The following TMEM132B variants were observed in gnomAD, a reference collection of about 807,000 sequenced individuals.
TMEM132B encodes transmembrane protein 132B.
In TMEM132B, 18 loss-of-function variants were observed where a neutral mutation model predicts 90.8. The observed-to-expected ratio is 0.20, with a 90% CI of 0.14 to 0.29. TMEM132B has a LOEUF of 0.29. Among genes scored for constraint, TMEM132B ranks in the 10% least tolerant of loss-of-function variants. The pLI is 1.00. For missense variants in TMEM132B, 1,096 were observed against 1,326.8 expected, an observed-to-expected ratio of 0.83 and a Z score of 2.70; for synonymous variants, 504 against 523.3, an observed-to-expected ratio of 0.96 and a Z score of 0.50.
intron 3 of TMEM132B, among the ~76,000 whole-genome samples, chr12:125,439,451 C>T (rs1334272706): frequency 6.6e-6 from 1 of 152,082 alleles, no homozygotes; most frequent in Non-Finnish European, 1.5e-5. Flanking sequence ...GACTGTGTTC[C>T]TGATTTGGCT....
chr12:125,527,233 TCCATCCAC>T (rs1484154287), intron 4 of TMEM132B, among the ~76,000 whole-genome samples: 2 of 87,976 alleles, frequency 2.3e-5, no homozygotes, highest in African/African-American at 5.1e-5. Flanking sequence ...CATCCACCCT[TCCATCCAC>T]CCATCCACCC....
At chr12:125,500,060 G>C (rs1423189418) in intron 3 of TMEM132B, among the ~76,000 whole-genome samples, 1 of 152,058 alleles carries the variant, frequency 6.6e-6, no homozygotes, top group Admixed American at 6.5e-5. Flanking sequence ...GGCACCATGG[G>C]ACCAGAAGGC....
At chr12:125,610,908 AG>A in intron 5 of TMEM132B, among the ~76,000 whole-genome samples, 1 of 152,156 alleles carries the variant, frequency 6.6e-6, no homozygotes, top group Non-Finnish European at 1.5e-5. Context: ...AGAATGATCC[AG>A]GAAGATTTCC....
intron 3 of TMEM132B, among the ~76,000 whole-genome samples, chr12:125,485,609 T>C (rs1333280675): frequency 1.3e-5 from 2 of 152,188 alleles, no homozygotes; most frequent in Non-Finnish European, 2.9e-5. Context: ...AATTGAATTG[T>C]TTCTCTCTTC....
chr12:125,199,325 G>A (rs1873002488), intron 1 of TMEM132B, among the ~76,000 whole-genome samples: 1 of 152,154 alleles, frequency 6.6e-6, no homozygotes, highest in African/African-American at 2.4e-5. Flanking sequence ...AGAGGGGGAG[G>A]AAACCAAGAA....
intron 3 of TMEM132B, among the ~76,000 whole-genome samples, chr12:125,507,255 TC>T (rs1882870011): frequency 6.6e-6 from 1 of 152,220 alleles, no homozygotes; most frequent in Non-Finnish European, 1.5e-5. Context: ...CATTCATCCA[TC>T]CATGATATGT....
At position 125,458,159 on chromosome 12, in the gene TMEM132B, G is replaced by A. The variant is rs994697192; in HGVS notation, c.1106+42482G>A. 5.3e-5 allele frequency among the ~76,000 whole-genome samples: 8 copies of A among 152,094 alleles called. No homozygotes were observed. The highest frequency in any genetic ancestry group is 1.9e-4 in the African/African-American group (8 of 41,406). On this transcript the variant is annotated intron_variant, in intron 3 of 8. Transcript: ENST00000682704. This position sits in a 1 kb window ranked among gnomAD's most constrained non-coding sequence, Gnocchi z 4.9. ...AGCAGGACTCAGGGACAGAATCTGT[G>A]TGGGGGATGGAGCTGAGTGGGAGGC...
Position 125,519,435 on chromosome 12 carries a change from C to T in TMEM132B, c.1107-4C>T. 1 of 1,594,748 alleles carries T rather than the reference C, an allele frequency of 6.3e-7. No homozygotes were observed. Among genetic ancestry groups the T allele is most frequent in the African/African-American group, 1.3e-5 (1 of 74,204 alleles). On this transcript the variant is annotated splice_region_variant and splice_polypyrimidine_tract_variant and intron_variant, in intron 3 of 8. Transcript: ENST00000682704. ...TGGAACCTTAATATGTGTTTGTTTT[C>T]CAGGGTAAATGGATCCTTCTATGAG... is the stretch of plus-strand genomic sequence containing the variant.
chr12:125,591,243 G>T (rs1018059480), intron 5 of TMEM132B, among the ~76,000 whole-genome samples: 3 of 152,058 alleles, frequency 2.0e-5, no homozygotes, highest in Non-Finnish European at 4.4e-5. Context: ...GTCTAAAATA[G>T]GTCAGTACGG....
chr12:125,445,932 G>T lies in TMEM132B; in HGVS notation c.1106+30255G>T, dbSNP rs922842000. 2.7e-5 allele frequency among the ~76,000 whole-genome samples: 4 copies of T among 148,516 alleles called. No individual in the cohort carries two copies. The highest frequency in any genetic ancestry group is 2.2e-4 in the South Asian group (1 of 4,474). ...CAGGATAGAGTTCCCTCCTTGCCTC[G>T]CAGGGAGACAGCTCTGGGGTGGGCA... is the stretch of plus-strand genomic sequence containing the variant. On this transcript the variant is annotated intron_variant, in intron 3 of 8. Transcript: ENST00000682704. This position sits in a 1 kb window ranked among gnomAD's most constrained non-coding sequence, Gnocchi z 4.3.
chr12:125,436,616 C>T (rs189530903), intron 3 of TMEM132B, among the ~76,000 whole-genome samples: 562 of 152,288 alleles, frequency 3.7e-3, no homozygotes, highest in Non-Finnish European at 6.4e-3. Flanking sequence ...CAAAGGGAGA[C>T]GCACAGGACA....
In TMEM132B at chr12:125,580,920, A is replaced by T. The variant is rs564418965; in HGVS notation, c.1294-2931A>T. On this transcript the variant is annotated intron_variant, in intron 4 of 8. Coordinates refer to ENST00000682704, the MANE Select transcript of TMEM132B (RefSeq NM_001366854.1). Reference sequence around the variant, plus strand: ...AGGAATTTTTAGCATCTCTGGGATCAGGGGACGATTTCAATGTAATATTTA... The same window carrying T: ...AGGAATTTTTAGCATCTCTGGGATCTGGGGACGATTTCAATGTAATATTTA... Among the ~76,000 whole-genome samples the T allele has an allele frequency of 2.0e-5, 3 of 152,294 alleles. No homozygotes were observed. The South Asian group carries it at 6.2e-4, about 32-fold the overall frequency.
At chr12:125,441,856 A>G (rs1433809531) in intron 3 of TMEM132B, among the ~76,000 whole-genome samples, 2 of 152,228 alleles carry the variant, frequency 1.3e-5, no homozygotes, top group Non-Finnish European at 2.9e-5. Flanking sequence ...GCAATAGAAA[A>G]TGAAAAGCAA....
At chr12:125,319,293 A>G (rs1270956111) in intron 1 of TMEM132B, among the ~76,000 whole-genome samples, 1 of 152,232 alleles carries the variant, frequency 6.6e-6, no homozygotes, top group Non-Finnish European at 1.5e-5. Flanking sequence ...GTTGATGATG[A>G]TAGTGAACAG....
chr12:125,589,527 A>G (rs1885271096), intron 5 of TMEM132B, among the ~76,000 whole-genome samples: 1 of 150,406 alleles, frequency 6.6e-6, no homozygotes, highest in Non-Finnish European at 1.5e-5. Flanking sequence ...AGACCGGGTA[A>G]CTTATAAAGA....
At chr12:125,295,515 T>TGAGAGAGAGAGAGA (rs1555237218) in intron 1 of TMEM132B, among the ~76,000 whole-genome samples, 28 of 142,434 alleles carry the variant, frequency 2.0e-4, no homozygotes, top group African/African-American at 7.3e-4. Context: ...TGTGTGTGTG[T>TGAGAGAGAGAGAGA]GAGAGAGAGA....
chr12:125,472,883 A>G (rs1881759932), intron 3 of TMEM132B, among the ~76,000 whole-genome samples: 1 of 152,178 alleles, frequency 6.6e-6, no homozygotes, highest in Non-Finnish European at 1.5e-5. Context: ...GTTTTGTTGT[A>G]GTCACGCAAA....
intron 3 of TMEM132B, among the ~76,000 whole-genome samples, chr12:125,485,390 A>G (rs1380295945): frequency 6.6e-6 from 1 of 152,186 alleles, no homozygotes; most frequent in Non-Finnish European, 1.5e-5. Flanking sequence ...ACTCCCTGCC[A>G]GCAGCATTAA....
chr12:125,289,013 G>T (rs1875455635), intron 1 of TMEM132B, among the ~76,000 whole-genome samples: 1 of 152,154 alleles, frequency 6.6e-6, no homozygotes, highest in Admixed American at 6.5e-5. Flanking sequence ...GCAACGCTGA[G>T]TTTTCTAAAC....
Sources: gnomAD v4.1 joint callset for allele counts (sites outside exome capture counted in the v4.1 genomes callset) on GRCh38, gnomAD v4.1.1 for gene constraint, Gnocchi (gnomAD v3.1) non-coding constraint, MANE v1.5 for transcripts, NCBI Gene and HGNC (gene_info 2026-07-23, HGNC 2026-07-21) for gene names.